RCBTB2: variants seen among roughly 807,000 people sequenced by gnomAD.
RCBTB2 encodes the protein RCC1 and BTB domain containing protein 2.
RCBTB2 carries 55 observed loss-of-function variants against 65.4 expected under a neutral mutation model. The observed-to-expected ratio is 0.84, with a 90% CI of 0.68 to 1.05. The LOEUF is 1.05. Ranked by LOEUF, RCBTB2 falls within the 50% of genes least tolerant of loss-of-function variation. The probability of loss-of-function intolerance (pLI) is 0.00; values close to 1 mark genes in which losing one functional copy is unlikely to be tolerated. For synonymous variants in RCBTB2, 220 were observed against 255.2 expected, an observed-to-expected ratio of 0.86 and a Z score of 1.31; for missense variants, 599 against 680.1, an observed-to-expected ratio of 0.88 and a Z score of 1.33.
intron 1 of RCBTB2, among the ~76,000 whole-genome samples, chr13:48,525,372 TGATATATATATATATATATA>T: frequency 1.5e-5 from 1 of 67,544 alleles, no homozygotes; most frequent in African/African-American, 5.2e-5. Context: ...AAAGGATTCA[TGATATATATATATATATATA>T]TATATATATA....
chr13:48,493,037 T>G (rs1165445899), intron 14 of RCBTB2, among the ~76,000 whole-genome samples: 1 of 152,156 alleles, frequency 6.6e-6, no homozygotes, highest in African/African-American at 2.4e-5. Flanking sequence ...TCCTTACAGC[T>G]GCTGAGGGAC....
rs1328606762 is a variant in RCBTB2, at chr13:48,489,356, A to T, written c.*755T>A. On this transcript the variant is annotated 3_prime_UTR_variant, in exon 15 of 15. Coordinates refer to ENST00000344532, the MANE Select transcript of RCBTB2 (RefSeq NM_001268.4). The stretch of plus-strand genomic sequence containing the variant: ...AAAGAAAAGCAAAGGACCTTATGTG[A>T]TTATGTAAGGCAGATCAGCCCAGGA... 1 of 152,230 alleles carries T rather than the reference A, an allele frequency of 6.6e-6. No individual in the cohort carries two copies. The highest frequency in any genetic ancestry group is 2.4e-5 in the African/African-American group (1 of 41,464). The allele number at this position is 152,230 out of a possible 1,614,324, so 9.4% of individuals were successfully genotyped here. A position where few individuals can be genotyped will look rare whatever the true frequency, so the allele number is the denominator to read the frequency against.
intron 14 of RCBTB2, chr13:48,491,617 C>G (rs772404353): frequency 6.6e-6 from 1 of 152,200 alleles, no homozygotes; most frequent in Non-Finnish European, 1.5e-5. Flanking sequence ...ATCTCTTTGG[C>G]TGAAGTCTAC....
At chr13:48,511,652 G>T in intron 9 of RCBTB2, 118 bp downstream of exon 9, 1 of 822,372 alleles carries the variant, frequency 1.2e-6, no homozygotes, top group Non-Finnish European at 1.9e-6. Flanking sequence ...TTACTTTAAT[G>T]AAGACATCCA....
intron 13 of RCBTB2, among the ~76,000 whole-genome samples, chr13:48,499,195 C>A (rs1950122928): frequency 6.6e-6 from 1 of 151,042 alleles, no homozygotes; most frequent in Non-Finnish European, 1.5e-5. Context: ...TCCATTCTTC[C>A]TTTCTACTGA....
Position 48,512,782 on chromosome 13 carries a change from T to A in RCBTB2, c.463A>T (p.Ile155Phe), listed in dbSNP as rs1168109408. The change falls in exon 7 of 15, where the codon ATT (isoleucine) becomes TTT (phenylalanine). Residue 155 changes from isoleucine (I) to phenylalanine (F), a missense_variant. Physicochemically the swap from Ile to Phe is conservative, Grantham distance 21. Transcript: ENST00000344532. ...TGGTAAGACCCACAGGCAACTTCAA[T>A]GACTTGTTTGTTTGACAGATTAGTA... ...ISTNLSNKQV[I>F]EVACGSYHSL... 6.2e-7 allele frequency: 1 copy of A among 1,614,082 alleles called. No homozygotes were observed. Among genetic ancestry groups the A allele is most frequent in the South Asian group, 1.1e-5 (1 of 91,072 alleles).
rs370634938 is a variant in RCBTB2, at chr13:48,499,662, A to C, written c.1343T>G (p.Leu448Arg). The change falls in exon 13 of 15, where the codon CTA (leucine) becomes CGA (arginine). Residue 448 changes from leucine to arginine, a missense_variant. Transcript: ENST00000344532. ...YPVYRAFLEY[L>R]YTDSISLSPE... ...AGAAAGGCTGATGCTGTCTGTGTAT[A>C]GGTATTCCAGGAAGGCCCGGTAAAC... The C allele has an allele frequency of 3.7e-6, 6 of 1,614,212 alleles. No individual in the cohort carries two copies. In the East Asian group the frequency reaches 6.7e-5, roughly 18 times the overall value.
intron 6 of RCBTB2, among the ~76,000 whole-genome samples, chr13:48,514,113 G>A (rs1026277371): frequency 4.6e-5 from 7 of 152,286 alleles, no homozygotes; most frequent in South Asian, 2.1e-4. Flanking sequence ...AGCAAGAACC[G>A]TATGGTTTCT....
chr13:48,490,236 A>T lies in RCBTB2; in HGVS notation c.1531T>A (p.Cys511Ser). 6.2e-7 allele frequency: 1 copy of T among 1,613,470 alleles called. No homozygotes were observed. Among genetic ancestry groups the T allele is most frequent in the Non-Finnish European group, 8.5e-7 (1 of 1,179,518 alleles). The change falls in exon 15 of 15, where the codon TGC becomes AGC. Residue 511 changes from cysteine (C) to serine (S), a missense_variant. By Grantham distance (112) the Cys-to-Ser change is moderately radical. Transcript: ENST00000344532. ...AGATGGTTTATGCAAAACCTGAAGC[A>T]GAATTCTTCTAAATCCTAGGAACAA... ...KYDAQDLEEF[C>S]FRFCINHLTV...
intron 10 of RCBTB2, chr13:48,504,424 C>A: frequency 1.5e-6 from 1 of 659,064 alleles, no homozygotes; most frequent in Non-Finnish European, 1.9e-6. Flanking sequence ...CATTGACCTT[C>A]AATGACTTCA....
intron 1 of RCBTB2, among the ~76,000 whole-genome samples, chr13:48,526,495 C>T (rs1002777629): frequency 2.0e-5 from 3 of 152,108 alleles, no homozygotes; most frequent in African/African-American, 7.2e-5. Flanking sequence ...ATGATCACAC[C>T]ACTGCACTCA....
chr13:48,506,262 T>C (rs1348791079), intron 10 of RCBTB2, among the ~76,000 whole-genome samples: 1 of 152,202 alleles, frequency 6.6e-6, no homozygotes, highest in African/African-American at 2.4e-5. Flanking sequence ...GCAATGAGGC[T>C]TGCCAGGAAC....
intron 13 of RCBTB2, among the ~76,000 whole-genome samples, chr13:48,496,804 AGGAGG>A (rs1390485907): frequency 2.8e-5 from 2 of 70,296 alleles, no homozygotes; most frequent in Admixed American, 1.8e-4. Flanking sequence ...GGGAGGGGAG[AGGAGG>A]GGAGGGGAGA....
chr13:48,496,218 G>A lies in RCBTB2; in HGVS notation c.1488C>T (p.Leu496=), dbSNP rs779905601. The A allele has an allele frequency of 4.5e-6, 7 of 1,572,720 alleles. No individual in the cohort carries two copies. Among genetic ancestry groups the A allele is most frequent in the Non-Finnish European group, 6.0e-6 (7 of 1,158,528 alleles). Residue 496 remains leucine, a synonymous_variant, in exon 14 of 15, where the codon CTC becomes CTT. Coordinates refer to ENST00000344532, the MANE Select transcript of RCBTB2 (RefSeq NM_001268.4). ...GICEENAIAL[L]SAAVKYDAQD... ...GTGCATCATACTTCACCGCAGCCGAGAGCAGAGCGATGGCATTCTCCTCGC... is the reference window on the plus strand; with the variant it reads ...GTGCATCATACTTCACCGCAGCCGAAAGCAGAGCGATGGCATTCTCCTCGC...
At chr13:48,493,622 G>A (rs1385422874) in intron 14 of RCBTB2, among the ~76,000 whole-genome samples, 1 of 151,812 alleles carries the variant, frequency 6.6e-6, no homozygotes, top group Non-Finnish European at 1.5e-5. Flanking sequence ...CACCGGGCTT[G>A]CTTTTCCCAG....
chr13:48,525,001 G>A (rs1951630935), intron 1 of RCBTB2, among the ~76,000 whole-genome samples: 1 of 151,854 alleles, frequency 6.6e-6, no homozygotes, highest in Non-Finnish European at 1.5e-5. Flanking sequence ...CAACAATTTG[G>A]ACACTGAAAC....
At chr13:48,498,184 A>G (rs1168770995) in intron 13 of RCBTB2, among the ~76,000 whole-genome samples, 3 of 152,208 alleles carry the variant, frequency 2.0e-5, no homozygotes, top group Non-Finnish European at 4.4e-5. Context: ...CTGCTGGAGG[A>G]GGGGTCTGTC....
At chr13:48,532,945 C>T (rs900238817) in intron 1 of RCBTB2, 83 bp downstream of exon 1, 2 of 453,750 alleles carry the variant, frequency 4.4e-6, no homozygotes, top group African/African-American at 4.0e-5. Context: ...GGAGGGGTGG[C>T]CTGCCCCAGT....
intron 1 of RCBTB2, among the ~76,000 whole-genome samples, chr13:48,527,774 A>G (rs1464638210): frequency 4.6e-5 from 7 of 152,192 alleles, no homozygotes; most frequent in Non-Finnish European, 8.8e-5. Context: ...ATTTCTATAT[A>G]TTCTATGTTG....
Sources: allele counts gnomAD v4.1 joint callset (sites outside exome capture counted in the v4.1 genomes callset), GRCh38; gene constraint gnomAD v4.1.1; transcripts MANE v1.5; gene names NCBI Gene and HGNC (gene_info 2026-07-23, HGNC 2026-07-21).